Variants in ARHGEF3 observed in about 807,000 individuals in gnomAD.
The protein encoded by ARHGEF3 is Rho guanine nucleotide exchange factor 3, also known as 59.8 kDA protein.
ARHGEF3 carries 28 observed loss-of-function variants against 63.2 expected under a neutral mutation model. That is an observed-to-expected ratio of 0.44 (90% CI 0.33 to 0.61). The LOEUF (loss-of-function observed/expected upper bound fraction) is 0.61, where lower values mean the gene tolerates loss of function less well. Among genes scored for constraint, ARHGEF3 ranks in the 20% least tolerant of loss-of-function variants. ARHGEF3 has a pLI of 0.03. For synonymous variants in ARHGEF3, 266 were observed against 254.2 expected (o/e 1.05, Z -0.44); for missense variants, 533 against 659.3 (o/e 0.81, Z 2.10).
chr3:56,767,457 G>A (rs1013980176), intron 2 of ARHGEF3, among the ~76,000 whole-genome samples: 6 of 151,482 alleles, frequency 4.0e-5, no homozygotes, highest in Non-Finnish European at 7.4e-5. Flanking sequence ...GGTGGCGGGC[G>A]CCTATAGTCC....
chr3:57,010,265 T>C lies in ARHGEF3; in HGVS notation c.62+24823A>G, dbSNP rs369646029. Among the ~76,000 whole-genome samples the C allele has an allele frequency of 1.4e-3, 212 of 151,856 alleles. 1 individual carries two copies. The highest frequency in any genetic ancestry group is 6.0e-3 in the East Asian group (31 of 5,150). On this transcript the variant is annotated intron_variant, in intron 2 of 12. Transcript: ENST00000338458. ...GTCAGGAGATAGAGACCATCCTGGC[T>C]AACATGGTGAAACCCCATCTCTACT...
chr3:56,967,223 T>A (rs1700539505), intron 2 of ARHGEF3, among the ~76,000 whole-genome samples: 1 of 138,442 alleles, frequency 7.2e-6, no homozygotes, highest in Admixed American at 8.3e-5. Context: ...ATATGTAATT[T>A]AAGTTTTCTA....
intron 3 of ARHGEF3, among the ~76,000 whole-genome samples, chr3:56,950,072 A>G (rs1220517533): frequency 6.6e-6 from 1 of 152,086 alleles, no homozygotes; most frequent in Non-Finnish European, 1.5e-5. Flanking sequence ...AAAACTGGCT[A>G]GCCATATGTA....
intron 4 of ARHGEF3, among the ~76,000 whole-genome samples, chr3:56,859,702 T>G (rs746652244): frequency 0.041 from 5,967 of 144,252 alleles, 170 homozygotes; most frequent in African/African-American, 0.08. Flanking sequence ...CAGGCTAATT[T>G]TTTTTTTTTT....
In ARHGEF3 at chr3:56,968,286, T is replaced by C. The variant is rs1237263815; in HGVS notation, c.63-9397A>G. Among the ~76,000 whole-genome samples the C allele has an allele frequency of 8.8e-4, 23 of 26,038 alleles. 2 individuals carry two copies. The highest frequency in any genetic ancestry group is 2.1e-3 in the African/African-American group (23 of 11,060). The allele number at this position is 26,038 out of a possible 152,430, so 17.1% of individuals were successfully genotyped here. A position where few individuals can be genotyped will look rare whatever the true frequency, so the allele number is the denominator to read the frequency against. ...AAATATATAATATATAAAATATATA[T>C]AATATATATAATATATAATATATAT... On this transcript the variant is annotated intron_variant, in intron 2 of 12. Coordinates refer to the ARHGEF3 transcript ENST00000338458.
intron 1 of ARHGEF3, among the ~76,000 whole-genome samples, chr3:56,778,842 A>G (rs940149091): frequency 3.9e-5 from 6 of 152,158 alleles, no homozygotes; most frequent in Admixed American, 3.9e-4. Context: ...CGCTTACAAA[A>G]TATTATTCTT....
chr3:57,061,966 A>G (rs1705244269), intron 1 of ARHGEF3, among the ~76,000 whole-genome samples: 1 of 152,172 alleles, frequency 6.6e-6, no homozygotes, highest in Non-Finnish European at 1.5e-5. Flanking sequence ...TGCTCTGCCT[A>G]CAAGCATTTT....
intron 8 of ARHGEF3, 141 bp from the exon 9 acceptor site, chr3:56,732,565 A>G: frequency 1.0e-6 from 1 of 980,028 alleles, no homozygotes; most frequent in Non-Finnish European, 1.5e-6. Context: ...TACCTCCAGG[A>G]GAACCAAAGT....
chr3:56,801,731 G>A lies in ARHGEF3; in HGVS notation c.68C>T (p.Pro23Leu), dbSNP rs751146866. Residue 23 changes from proline to leucine, a missense_variant, in exon 1 of 10, where the codon CCG becomes CTG. This residue lies in a region of ARHGEF3 where 160 missense variants were observed against 157.3 expected (regional missense o/e 1.02). Transcript: ENST00000296315. ...KRANCSLELP[P>L]ASGPAKDAEE... is the part of the protein sequence containing the mutation. ...AGCGTCCTTGGCCGGACCGCTGGCC[G>A]GGGGTAGCTCCAGGCTGCAGTTCGC... is the stretch of plus-strand genomic sequence containing the variant. 3 of 1,566,782 alleles carry A rather than the reference G, an allele frequency of 1.9e-6. No homozygotes were observed. The highest frequency in any genetic ancestry group is 2.3e-5 in the South Asian group (2 of 85,214).
intron 1 of ARHGEF3, among the ~76,000 whole-genome samples, chr3:57,045,739 C>A (rs193154393): frequency 6.6e-6 from 1 of 152,286 alleles, no homozygotes; most frequent in East Asian, 1.9e-4. Context: ...ACGTTCTCCC[C>A]CAAACAGAGG....
chr3:56,827,844 T>C (rs1459509465), intron 4 of ARHGEF3, among the ~76,000 whole-genome samples: 1 of 138,476 alleles, frequency 7.2e-6, no homozygotes, highest in African/African-American at 2.7e-5. Context: ...AGGCTGAGGC[T>C]GAGATAGGAA....
intron 6 of ARHGEF3, among the ~76,000 whole-genome samples, chr3:56,749,490 T>C (rs113446253): frequency 6.6e-6 from 1 of 152,092 alleles, no homozygotes; most frequent in Non-Finnish European, 1.5e-5. Flanking sequence ...AATTCTGGAG[T>C]GTGGCCTAAC....
intron 3 of ARHGEF3, among the ~76,000 whole-genome samples, chr3:56,928,835 A>C (rs1317948417): frequency 6.6e-6 from 1 of 152,216 alleles, no homozygotes; most frequent in East Asian, 1.9e-4. Context: ...CAGCCAGGAC[A>C]GTAGACAGGC....
chr3:56,948,684 G>A (rs1295243457), intron 3 of ARHGEF3, among the ~76,000 whole-genome samples: 2 of 152,020 alleles, frequency 1.3e-5, no homozygotes, highest in African/African-American at 2.4e-5. Flanking sequence ...ATTCACAGCC[G>A]AATTCTACCA....
chr3:56,997,815 T>C (rs80327152), intron 2 of ARHGEF3, among the ~76,000 whole-genome samples: 2,999 of 152,252 alleles, frequency 0.02, 44 homozygotes, highest in Non-Finnish European at 0.032. Context: ...AGATTTTCTA[T>C]TTTCACTCCT....
At chr3:57,038,946 G>A (rs1332358464) in intron 1 of ARHGEF3, among the ~76,000 whole-genome samples, 1 of 152,130 alleles carries the variant, frequency 6.6e-6, no homozygotes, top group Non-Finnish European at 1.5e-5. Context: ...CTTAAATGAG[G>A]GCTGATGAAC....
intron 2 of ARHGEF3, among the ~76,000 whole-genome samples, chr3:57,002,726 C>A (rs1376726504): frequency 6.7e-6 from 1 of 148,350 alleles, no homozygotes; most frequent in Non-Finnish European, 1.5e-5. Context: ...CTATTTAGCA[C>A]TTCATATATT....
chr3:56,805,638 A>G (rs1183472266), upstream of ARHGEF3, among the ~76,000 whole-genome samples: 3 of 152,242 alleles, frequency 2.0e-5, no homozygotes, highest in African/African-American at 7.2e-5. Context: ...ATCTTCTCTT[A>G]AAACATTTCT....
intron 1 of ARHGEF3, 128 bp from the exon 2 acceptor site, chr3:56,773,944 T>C: frequency 1.4e-6 from 1 of 730,854 alleles, no homozygotes; most frequent in South Asian, 1.9e-5. Context: ...ATATAAAGTG[T>C]CACGTCTCAC....
Sources: allele counts gnomAD v4.1 joint callset (sites outside exome capture counted in the v4.1 genomes callset), GRCh38; gene constraint gnomAD v4.1.1; regional missense constraint gnomAD v4.1.1; transcripts MANE v1.5; gene names NCBI Gene and HGNC (gene_info 2026-07-23, HGNC 2026-07-21).